Variants in GALC observed in about 807,000 individuals in gnomAD.
GALC encodes galactosylceramidase.
In GALC, 77 loss-of-function variants were observed where a neutral mutation model predicts 91.8. The ratio of observed to expected loss-of-function variants is 0.84; its 90% CI spans 0.70 to 1.01. The LOEUF (loss-of-function observed/expected upper bound fraction) is 1.01. Ranked by LOEUF, GALC falls within the 50% of genes least tolerant of loss-of-function variation. GALC has a pLI of 0.00. For missense variants in GALC, 882 were observed against 855.9 expected (o/e 1.03, Z -0.38); for synonymous variants, 357 against 306.7 (o/e 1.16, Z -1.71).
chr14:87,958,196 T>TCGCAGCA (rs1285206370), intron 10 of GALC, among the ~76,000 whole-genome samples: 1 of 152,118 alleles, frequency 6.6e-6, no homozygotes, highest in Non-Finnish European at 1.5e-5. Flanking sequence ...CCTATTGAGT[T>TCGCAGCA]CGCAGCACGC....
chr14:87,935,319 C>T (rs1405197087), intron 16 of GALC, among the ~76,000 whole-genome samples: 1 of 152,074 alleles, frequency 6.6e-6, no homozygotes, highest in Non-Finnish European at 1.5e-5. Context: ...CTCATTGCTT[C>T]CTTAAGGTTT....
intron 10 of GALC, chr14:87,954,050 A>C: frequency 6.2e-7 from 1 of 1,609,910 alleles, no homozygotes; most frequent in Non-Finnish European, 8.5e-7. Flanking sequence ...TTGGCGAGAC[A>C]GTACTACAAT....
chr14:87,947,748 T>C lies in GALC; in HGVS notation c.1469A>G (p.Tyr490Cys). 4 of 1,612,792 alleles carry C rather than the reference T, an allele frequency of 2.5e-6. No homozygotes were observed. Among genetic ancestry groups the C allele is most frequent in the African/African-American group, 1.3e-5 (1 of 74,884 alleles). Residue 490 changes from tyrosine (Y) to cysteine (C), a missense_variant, in exon 13 of 17, where the codon TAT becomes TGT. Transcript: ENST00000261304. ...CTCACCAACATTGAAATCATCCTTA[T>C]AGGTACTTGGGAAGGGCTGGGATTT... ...PPKSQPFPST[Y>C]KDDFNVDYPF...
chr14:87,943,870 A>G (rs1884961942), intron 14 of GALC, among the ~76,000 whole-genome samples: 1 of 151,978 alleles, frequency 6.6e-6, no homozygotes, highest in African/African-American at 2.4e-5. Context: ...AATAGATGAG[A>G]CCAAATTATA....
chr14:87,955,294 G>T, intron 10 of GALC: 1 of 640,730 alleles, frequency 1.6e-6, no homozygotes. Flanking sequence ...TTTTGCTTTG[G>T]ATTTTTTATT....
chr14:87,940,279 T>C (rs892909770), intron 15 of GALC, among the ~76,000 whole-genome samples: 4 of 151,952 alleles, frequency 2.6e-5, no homozygotes, highest in African/African-American at 9.7e-5. Flanking sequence ...TTAGCATCTG[T>C]AGTTCAAGTA....
At chr14:87,951,966 A>T (rs987644365) in intron 10 of GALC, among the ~76,000 whole-genome samples, 2 of 151,866 alleles carry the variant, frequency 1.3e-5, no homozygotes, top group African/African-American at 2.4e-5. Context: ...GGTTCAATGT[A>T]TACTGCTCGG....
At position 87,955,283 on chromosome 14, in the gene GALC, T is replaced by C; in HGVS notation, c.1162-4535A>G. On this transcript the variant is annotated intron_variant, in intron 10 of 16. Coordinates refer to ENST00000261304, the MANE Select transcript of GALC (RefSeq NM_000153.4). Reference sequence around the variant, plus strand: ...CTTTTGAAGTAAATAAACGATAGGGTTTTTGCTTTGGATTTTTTATTAAAT... The same window carrying C: ...CTTTTGAAGTAAATAAACGATAGGGCTTTTGCTTTGGATTTTTTATTAAAT... 5 of 685,846 alleles carry C rather than the reference T, an allele frequency of 7.3e-6. No homozygotes were observed. In the East Asian group the frequency reaches 1.3e-4, roughly 18 times the overall value. The allele number at this position is 685,846 out of a possible 1,614,324, so 42.5% of individuals were successfully genotyped here. A position where few individuals can be genotyped will look rare whatever the true frequency, so the allele number is the denominator to read the frequency against.
chr14:87,948,632 G>C (rs1031643337), intron 12 of GALC, among the ~76,000 whole-genome samples: 4 of 151,930 alleles, frequency 2.6e-5, no homozygotes, highest in African/African-American at 9.7e-5. Context: ...AATAAAAGGA[G>C]TTATTATCCT....
rs181944131 is a variant in GALC, at chr14:87,955,978, A to G, written c.1162-5230T>C. On this transcript the variant is annotated intron_variant, in intron 10 of 16. Transcript: ENST00000261304. ...AATTTATGATGAAATGAAAAAAAAAAGTGACAGTTTAAAAAAAAAAATCTC... is the reference window on the plus strand; with the variant it reads ...AATTTATGATGAAATGAAAAAAAAAGGTGACAGTTTAAAAAAAAAAATCTC... Among the ~76,000 whole-genome samples the G allele has an allele frequency of 2.8e-4, 43 of 151,894 alleles. No homozygotes were observed. The East Asian group carries it at 4.5e-3, about 16-fold the overall frequency.
chr14:87,978,736 T>A (rs1195200039), intron 6 of GALC, among the ~76,000 whole-genome samples: 2 of 151,208 alleles, frequency 1.3e-5, no homozygotes, highest in Non-Finnish European at 2.9e-5. Flanking sequence ...CCATCCACTA[T>A]CCTCAGATCC....
At chr14:87,961,889 A>G (rs996088472) in intron 10 of GALC, among the ~76,000 whole-genome samples, 13 of 151,836 alleles carry the variant, frequency 8.6e-5, no homozygotes, top group African/African-American at 3.1e-4. Context: ...ACAAACAAAA[A>G]CCTCCTCATC....
intron 12 of GALC, among the ~76,000 whole-genome samples, chr14:87,948,654 T>C (rs1885175179): frequency 6.9e-6 from 1 of 144,978 alleles, no homozygotes; most frequent in Non-Finnish European, 1.5e-5. Flanking sequence ...GTTTTAATGG[T>C]AAATTGATGA....
chr14:87,953,071 G>A, intron 10 of GALC: 2 of 1,487,974 alleles, frequency 1.3e-6, no homozygotes, highest in African/African-American at 1.4e-5. Flanking sequence ...GTGGTACAAA[G>A]AGAGTGTGTG....
chr14:87,939,952 C>A lies in GALC; in HGVS notation c.1864G>T (p.Val622Phe). 1 of 1,610,828 alleles carries A rather than the reference C, an allele frequency of 6.2e-7. No homozygotes were observed. Among genetic ancestry groups the A allele is most frequent in the Admixed American group, 1.7e-5 (1 of 59,884 alleles). ...TACCATTTTTTTGCTGTAACTTCAACACGTCCTAAAGCATATATAATCCAT... is the reference window on the plus strand; with the variant it reads ...TACCATTTTTTTGCTGTAACTTCAAAACGTCCTAAAGCATATATAATCCAT... ...AGWIIYALGR[V>F]EVTAKKWYTL... Residue 622 changes from valine (V) to phenylalanine (F), a missense_variant, in exon 16 of 17, where the codon GTT becomes TTT. By Grantham distance (50) the Val-to-Phe change is conservative (BLOSUM62 -1). Transcript: ENST00000261304.
chr14:87,947,662 A>G, intron 13 of GALC, 66 bp downstream of exon 13: 1 of 1,472,084 alleles, frequency 6.8e-7, no homozygotes, highest in Non-Finnish European at 9.5e-7. Context: ...CCAGTTTGAC[A>G]GGTAGAAATC....
intron 1 of GALC, among the ~76,000 whole-genome samples, chr14:87,989,040 A>C (rs1373075416): frequency 2.6e-5 from 4 of 152,258 alleles, no homozygotes; most frequent in African/African-American, 9.6e-5. Flanking sequence ...GAGTGGCATC[A>C]GAATGCATGG....
In GALC at chr14:87,933,841, T is replaced by C. The variant is rs1170872571; in HGVS notation, c.*891A>G. The C allele has an allele frequency of 5.8e-6, 4 of 685,430 alleles. No individual in the cohort carries two copies. The highest frequency in any genetic ancestry group is 9.8e-6 in the Non-Finnish European group (4 of 409,174). 42.5% of individuals were successfully genotyped at this position (685,430 alleles called of 1,614,324 possible). A position where few individuals can be genotyped will look rare whatever the true frequency, so the allele number is the denominator to read the frequency against. On this transcript the variant is annotated 3_prime_UTR_variant, in exon 17 of 17. Transcript: ENST00000261304. ...TGGGAGTTAGCAAATGTCTAAGTGC[T>C]CCCCTCCTTCCACACATAAGGAGAG...
At chr14:87,943,447 AT>A (rs1158467662) in intron 14 of GALC, among the ~76,000 whole-genome samples, 5 of 152,016 alleles carry the variant, frequency 3.3e-5, no homozygotes, top group Admixed American at 2.0e-4. Context: ...TTGAGAGCAG[AT>A]TTACTAAAAT....
Sources: allele counts gnomAD v4.1 joint callset (sites outside exome capture counted in the v4.1 genomes callset), GRCh38; gene constraint gnomAD v4.1.1; transcripts MANE v1.5; gene names NCBI Gene and HGNC (gene_info 2026-07-23, HGNC 2026-07-21).